TTLL4: variants seen among roughly 807,000 people sequenced by gnomAD.
TTLL4 encodes the protein tubulin tyrosine ligase like 4.
In TTLL4, 85 loss-of-function variants were observed where a neutral mutation model predicts 122.7. The ratio of observed to expected loss-of-function variants is 0.69; its 90% CI spans 0.58 to 0.83. TTLL4 has a LOEUF of 0.83. Among genes scored for constraint, TTLL4 ranks in the 40% least tolerant of loss-of-function variants. The pLI is 0.00. For synonymous variants in TTLL4, 553 were observed against 563.0 expected (o/e 0.98, Z 0.25); for missense variants, 1,363 against 1,488.6 (o/e 0.92, Z 1.39).
intron 1 of TTLL4, among the ~76,000 whole-genome samples, chr2:218,720,714 G>T (rs1942011124): frequency 6.6e-6 from 1 of 151,756 alleles, no homozygotes; most frequent in Non-Finnish European, 1.5e-5. Context: ...TAATTGGGGT[G>T]TGCCCCTGGT....
At chr2:218,757,864 C>T (rs1943182542), downstream of TTLL4, among the ~76,000 whole-genome samples, 1 of 152,126 alleles carries the variant, frequency 6.6e-6, no homozygotes, top group South Asian at 2.1e-4. Flanking sequence ...CTGGGCTCCC[C>T]TTGATTTGTC....
At chr2:218,722,088 C>T (rs1484399486) in intron 1 of TTLL4, among the ~76,000 whole-genome samples, 2 of 152,006 alleles carry the variant, frequency 1.3e-5, no homozygotes, top group African/African-American at 4.8e-5. Flanking sequence ...TTGAGACTAG[C>T]CCTGGCAAGA....
chr2:218,736,624 A>G (rs1172261780), intron 2 of TTLL4, among the ~76,000 whole-genome samples: 5 of 152,092 alleles, frequency 3.3e-5, no homozygotes, highest in African/African-American at 1.2e-4. Flanking sequence ...GTTTAGTTCA[A>G]TTTCCTTTCT....
intron 2 of TTLL4, among the ~76,000 whole-genome samples, chr2:218,731,816 T>G (rs1942389505): frequency 6.6e-6 from 1 of 152,230 alleles, no homozygotes; most frequent in Non-Finnish European, 1.5e-5. Context: ...CACAAGGCCG[T>G]AGCTGCTCAT....
chr2:218,728,945 G>C (rs759382484), intron 2 of TTLL4, among the ~76,000 whole-genome samples: 7 of 35,354 alleles, frequency 2.0e-4, no homozygotes, highest in South Asian at 1.1e-3. Context: ...TTTTTTTGGC[G>C]GGGGGGGGCA....
intron 19 of TTLL4, 21 bp downstream of exon 19, chr2:218,753,690 G>C (rs1286113062): frequency 1.9e-6 from 3 of 1,613,126 alleles, no homozygotes; most frequent in East Asian, 2.2e-5. Context: ...CCTGGGCAAG[G>C]GAGGGGCTGC....
intron 8 of TTLL4, chr2:218,746,470 C>G: frequency 1.8e-6 from 1 of 546,562 alleles, no homozygotes; most frequent in African/African-American, 1.9e-5. Context: ...GCAGCTGAGT[C>G]CCTCTCCTGA....
rs1323224604 is a variant in TTLL4 at position 218,738,115 on chromosome 2, T to G, written c.439T>G (p.Ser147Ala). Residue 147 changes from serine (S) to alanine (A), a missense_variant, in exon 3 of 20, where the codon TCT becomes GCT. By Grantham distance (99) the Ser-to-Ala change is moderately conservative. This residue lies in a region of TTLL4 where 760 missense variants were observed against 808.4 expected (regional missense o/e 0.94). Coordinates refer to ENST00000392102, the MANE Select transcript of TTLL4 (RefSeq NM_014640.5). ...GAGCCCGTCAGAAAAAAGCCCTTTT[T>G]CTCTCCCTCAAAAGAGCCTCCCTGT... The part of the protein sequence containing the change: ...RSSPSEKSPF[S>A]LPQKSLPVSL... 2 of 1,613,816 alleles carry G rather than the reference T, an allele frequency of 1.2e-6. No homozygotes were observed. Among genetic ancestry groups the G allele is most frequent in the Non-Finnish European group, 1.7e-6 (2 of 1,180,012 alleles).
rs1942978030 is a variant in TTLL4 at position 218,750,163 on chromosome 2, T to C, written c.2873+17T>C. 3 of 1,612,348 alleles carry C rather than the reference T, an allele frequency of 1.9e-6. No homozygotes were observed. Among genetic ancestry groups the C allele is most frequent in the African/African-American group, 1.3e-5 (1 of 75,010 alleles). On this transcript the variant is annotated intron_variant, in intron 15 of 19. Coordinates refer to ENST00000392102, the MANE Select transcript of TTLL4 (RefSeq NM_014640.5). ...CACCACCAGGTGAGGCCCCTATTTC[T>C]TCACAGCTCTGCTGGCAGCATGAGT... is the stretch of plus-strand genomic sequence containing the variant.
Position 218,738,391 on chromosome 2 carries a change from C to T in TTLL4, c.715C>T (p.Leu239=). The T allele has an allele frequency of 6.2e-7, 1 of 1,614,190 alleles. No individual in the cohort carries two copies. Among genetic ancestry groups the T allele is most frequent in the Non-Finnish European group, 8.5e-7 (1 of 1,180,040 alleles). The change falls in exon 3 of 20, where the codon CTG becomes TTG. Residue 239 remains leucine (L), a synonymous_variant. Transcript: ENST00000392102. The part of the protein sequence containing the change: ...PVPLLQTTQG[L]KPVSPPKIQP... Reference sequence around the variant, plus strand: ...GCCTTTATTGCAGACCACACAGGGCCTGAAGCCAGTATCGCCACCCAAGAT... The same window carrying T: ...GCCTTTATTGCAGACCACACAGGGCTTGAAGCCAGTATCGCCACCCAAGAT...
chr2:218,722,788 G>C (rs1942083260), intron 1 of TTLL4, among the ~76,000 whole-genome samples: 3 of 152,248 alleles, frequency 2.0e-5, no homozygotes, highest in African/African-American at 7.2e-5. Context: ...ATGGTAGCTT[G>C]ACTAAGGTAA....
At chr2:218,742,107 C>A (rs1942717835) in intron 5 of TTLL4, among the ~76,000 whole-genome samples, 1 of 152,050 alleles carries the variant, frequency 6.6e-6, no homozygotes, top group African/African-American at 2.4e-5. Context: ...ACTACAGGAC[C>A]ACCCACCACA....
In TTLL4 at chr2:218,748,173, A is replaced by G; in HGVS notation, c.2447A>G (p.Lys816Arg). ...MHLTNYSVNK[K>R]NAEYQANADE... ...CTGACCAACTACAGTGTCAATAAAA[A>G]GAATGCCGAGTACCAGGCCAATGCA... The change falls in exon 12 of 20, where the codon AAG (lysine) becomes AGG (arginine). Residue 816 changes from lysine to arginine, a missense_variant. By Grantham distance (26) the Lys-to-Arg change is conservative. Coordinates refer to ENST00000392102, the MANE Select transcript of TTLL4 (RefSeq NM_014640.5). The G allele has an allele frequency of 6.2e-7, 1 of 1,614,222 alleles. No homozygotes were observed. Among genetic ancestry groups the G allele is most frequent in the Non-Finnish European group, 8.5e-7 (1 of 1,180,026 alleles).
In TTLL4 at chr2:218,738,908, A is replaced by G. The variant is rs201652642; in HGVS notation, c.1232A>G (p.Asn411Ser). 18 of 1,614,098 alleles carry G rather than the reference A, an allele frequency of 1.1e-5. No homozygotes were observed. The highest frequency in any genetic ancestry group is 1.4e-5 in the Non-Finnish European group (16 of 1,180,040). The change falls in exon 3 of 20, where the codon AAT (asparagine) becomes AGT (serine). Residue 411 changes from asparagine to serine, a missense_variant. Coordinates refer to ENST00000392102, the MANE Select transcript of TTLL4 (RefSeq NM_014640.5). ...PGASDTLGLD[N>S]TVFCTKRISI... The stretch of plus-strand genomic sequence containing the variant: ...GCCTCAGATACCTTGGGGTTGGACA[A>G]TACAGTCTTCTGTACCAAGCGTATC...
At chr2:218,725,013 CTTCA>C (rs1044956192) in intron 1 of TTLL4, among the ~76,000 whole-genome samples, 1 of 152,274 alleles carries the variant, frequency 6.6e-6, no homozygotes. Flanking sequence ...GATCCTTCTA[CTTCA>C]GCTCCCCGAC....
In TTLL4 at chr2:218,749,344, G is replaced by A. The variant is rs143759265; in HGVS notation, c.2692G>A (p.Glu898Lys). The A allele has an allele frequency of 1.8e-4, 297 of 1,614,004 alleles. No individual in the cohort carries two copies. The highest frequency in any genetic ancestry group is 1.3e-3 in the East Asian group (57 of 44,894). ...CTTTGGTTTTGACATCATGCTAGAC[G>A]AAAACCTCAAGCCCTGGGTCCTGGA... ...ELFGFDIMLDENLKPWVLEVN... is the reference protein window; with the variant it reads ...ELFGFDIMLDKNLKPWVLEVN... The change falls in exon 14 of 20, where the codon GAA (glutamate) becomes AAA (lysine). Residue 898 changes from glutamate to lysine, a missense_variant. By Grantham distance (56) the Glu-to-Lys change is moderately conservative. Around this residue, in one of 3 missense-constraint regions of TTLL4, gnomAD observed 596 missense variants for 655.8 expected, o/e 0.91. Coordinates refer to ENST00000392102, the MANE Select transcript of TTLL4 (RefSeq NM_014640.5).
intron 2 of TTLL4, chr2:218,727,948 G>A (rs1331060360): frequency 6.6e-6 from 1 of 152,158 alleles, no homozygotes; most frequent in African/African-American, 2.4e-5. Context: ...TTCTCTGTCT[G>A]GCTTGTTATT....
At position 218,753,180 on chromosome 2, in the gene TTLL4, C is replaced by T; in HGVS notation, c.3253C>T (p.Pro1085Ser). The change falls in exon 18 of 20, where the codon CCA becomes TCA. Residue 1085 changes from proline (P) to serine (S), a missense_variant. Pro to Ser is a moderately conservative substitution (Grantham distance 74). This residue lies in a region of TTLL4 where 596 missense variants were observed against 655.8 expected (regional missense o/e 0.91). Transcript: ENST00000392102. ...FHMGVVSDSA[P>S]VWSLPTSLLT... Reference sequence around the variant, plus strand: ...CATGGGAGTTGTCTCTGATTCTGCTCCAGTGGTGAGTGCTGCCAGTGTGGA... The same window carrying T: ...CATGGGAGTTGTCTCTGATTCTGCTTCAGTGGTGAGTGCTGCCAGTGTGGA... The T allele has an allele frequency of 1.2e-6, 2 of 1,614,160 alleles. No homozygotes were observed. Among genetic ancestry groups the T allele is most frequent in the Non-Finnish European group, 1.7e-6 (2 of 1,180,028 alleles).
At chr2:218,722,144 C>T (rs1394431972) in intron 1 of TTLL4, among the ~76,000 whole-genome samples, 1 of 151,834 alleles carries the variant, frequency 6.6e-6, no homozygotes, top group African/African-American at 2.4e-5. Context: ...TAGCTGGGTG[C>T]GGTGGAACAC....
Sources: allele counts gnomAD v4.1 joint callset (sites outside exome capture counted in the v4.1 genomes callset), GRCh38; gene constraint gnomAD v4.1.1; regional missense constraint gnomAD v4.1.1; transcripts MANE v1.5; gene names NCBI Gene and HGNC (gene_info 2026-07-23, HGNC 2026-07-21).